LAPTM5: variants seen among roughly 807,000 people sequenced by gnomAD.
The protein encoded by LAPTM5 is lysosomal protein transmembrane 5.
In LAPTM5, 11 loss-of-function variants were observed where a neutral mutation model predicts 30.1. The observed-to-expected ratio is 0.37, with a 90% CI of 0.23 to 0.60. The LOEUF is 0.60. Ranked by LOEUF, LAPTM5 falls within the 20% of genes least tolerant of loss-of-function variation. LAPTM5 has a pLI of 0.71. For synonymous variants in LAPTM5, 151 were observed against 137.9 expected (o/e 1.10, Z -0.67); for missense variants, 324 against 332.5 (o/e 0.97, Z 0.20).
rs764594879 is a variant in LAPTM5, at chr1:30,735,258, A to G, written c.614T>C (p.Met205Thr). 8.1e-6 allele frequency: 13 copies of G among 1,613,790 alleles called. No individual in the cohort carries two copies. The highest frequency in any genetic ancestry group is 4.0e-5 in the African/African-American group (3 of 74,898). Residue 205 changes from methionine (M) to threonine (T), a missense_variant, in exon 7 of 8, where the codon ATG (methionine) becomes ACG (threonine). Transcript: ENST00000294507. The stretch of plus-strand genomic sequence containing the variant: ...GTAGCACCGCCACACGCACTTGAAC[A>G]TGTAGACCTGGAAAAAGGCCCAGGT... ...FITVLIFKVY[M>T]FKCVWRCYRL...
intron 1 of LAPTM5, among the ~76,000 whole-genome samples, chr1:30,753,631 C>A (rs1640169034): frequency 6.6e-6 from 1 of 152,068 alleles, no homozygotes; most frequent in African/African-American, 2.4e-5. Flanking sequence ...CAAGAAAAAT[C>A]TGAGAAACCA....
intron 1 of LAPTM5, among the ~76,000 whole-genome samples, chr1:30,747,556 C>G (rs1381251180): frequency 1.3e-5 from 2 of 152,168 alleles, no homozygotes; most frequent in African/African-American, 4.8e-5. Context: ...CTGCACGCAG[C>G]CTTTCTTTCT....
chr1:30,734,642 G>A (rs1180385043), intron 7 of LAPTM5, among the ~76,000 whole-genome samples: 1 of 152,250 alleles, frequency 6.6e-6, no homozygotes, highest in African/African-American at 2.4e-5. Flanking sequence ...CCTTACAGGT[G>A]AGGAAAGTAA....
chr1:30,742,393 C>T, intron 2 of LAPTM5, 63 bp downstream of exon 2: 1 of 1,190,452 alleles, frequency 8.4e-7, no homozygotes, highest in South Asian at 1.3e-5. Flanking sequence ...GCCTGGCTAT[C>T]CCTGGCCAGG....
chr1:30,737,273 G>A (rs1639898632), intron 6 of LAPTM5, among the ~76,000 whole-genome samples: 1 of 152,260 alleles, frequency 6.6e-6, no homozygotes, highest in Non-Finnish European at 1.5e-5. Context: ...GGCCCAGAGA[G>A]AAGTGACTTG....
rs1231274519 is a variant in LAPTM5, at chr1:30,733,671, C to T, written c.*157G>A. On this transcript the variant is annotated 3_prime_UTR_variant, in exon 8 of 8. Coordinates refer to ENST00000294507, the MANE Select transcript of LAPTM5 (RefSeq NM_006762.3). ...CCCAGTTGTGAGCAGCTCACAGGCC[C>T]TGCAGGAGGAGCAGGCCAGCGAGGG... 1 of 1,534,042 alleles carries T rather than the reference C, an allele frequency of 6.5e-7. No homozygotes were observed. Among genetic ancestry groups the T allele is most frequent in the Admixed American group, 2.0e-5 (1 of 50,938 alleles).
intron 1 of LAPTM5, among the ~76,000 whole-genome samples, chr1:30,743,832 T>A (rs961861864): frequency 7.9e-6 from 1 of 127,018 alleles, no homozygotes; most frequent in African/African-American, 3.0e-5. Context: ...CAGACACAGG[T>A]CTCAACTTGT....
At chr1:30,744,236 A>T (rs1487492514) in intron 1 of LAPTM5, among the ~76,000 whole-genome samples, 1 of 152,144 alleles carries the variant, frequency 6.6e-6, no homozygotes, top group African/African-American at 2.4e-5. Context: ...CACCCCAAAA[A>T]GAAGGCAGGT....
chr1:30,748,138 G>A (rs562828629), intron 1 of LAPTM5, among the ~76,000 whole-genome samples: 2 of 152,152 alleles, frequency 1.3e-5, no homozygotes, highest in South Asian at 2.1e-4. Context: ...AGATTTTCAG[G>A]GAGGTAAAGG....
intron 1 of LAPTM5, among the ~76,000 whole-genome samples, chr1:30,754,598 G>T (rs1458912996): frequency 6.6e-6 from 1 of 151,978 alleles, no homozygotes; most frequent in Admixed American, 6.6e-5. Flanking sequence ...ACTGAACTTT[G>T]AAAAAAAGAA....
chr1:30,749,081 A>G (rs1331197287), intron 1 of LAPTM5, among the ~76,000 whole-genome samples: 1 of 152,240 alleles, frequency 6.6e-6, no homozygotes, highest in Non-Finnish European at 1.5e-5. Context: ...AACAGCCCCA[A>G]GCTGGAATCA....
chr1:30,740,699 T>A (rs1639957890), intron 3 of LAPTM5, among the ~76,000 whole-genome samples: 1 of 151,996 alleles, frequency 6.6e-6, no homozygotes, highest in Non-Finnish European at 1.5e-5. Context: ...CCTGCTCCAT[T>A]TCTCCATTTC....
chr1:30,747,814 A>G (rs1309754360), intron 1 of LAPTM5, among the ~76,000 whole-genome samples: 1 of 152,110 alleles, frequency 6.6e-6, no homozygotes, highest in Non-Finnish European at 1.5e-5. Context: ...GTCACCTGGG[A>G]GGCACTGGCC....
At chr1:30,750,108 A>G (rs1195299168) in intron 1 of LAPTM5, among the ~76,000 whole-genome samples, 2 of 152,190 alleles carry the variant, frequency 1.3e-5, no homozygotes, top group Admixed American at 1.3e-4. Context: ...AAACAGTACC[A>G]GTGAATCCCA....
intron 1 of LAPTM5, among the ~76,000 whole-genome samples, chr1:30,744,657 A>G (rs1640018539): frequency 6.6e-6 from 1 of 152,104 alleles, no homozygotes; most frequent in South Asian, 2.1e-4. Flanking sequence ...CTTGTTTTAT[A>G]AACTCAGAGA....
Position 30,739,714 on chromosome 1 carries a change from C to T in LAPTM5, c.387+95G>A. On this transcript the variant is annotated intron_variant, in intron 4 of 7. Coordinates refer to ENST00000294507, the MANE Select transcript of LAPTM5 (RefSeq NM_006762.3). This position sits in a 1 kb window ranked among gnomAD's most constrained non-coding sequence, Gnocchi z 4.2. Reference sequence around the variant, plus strand: ...CCAGGAAGAGGGCTCCTACCCTCCCCAGCCTGAGCACAGGGCCCGTGTCTG... The same window carrying T: ...CCAGGAAGAGGGCTCCTACCCTCCCTAGCCTGAGCACAGGGCCCGTGTCTG... The T allele has an allele frequency of 7.1e-7, 1 of 1,413,336 alleles. No individual in the cohort carries two copies. The highest frequency in any genetic ancestry group is 2.6e-5 in the East Asian group (1 of 38,458). 87.5% of individuals were successfully genotyped at this position (1,413,336 alleles called of 1,614,324 possible).
intron 1 of LAPTM5, among the ~76,000 whole-genome samples, chr1:30,756,275 C>T (rs1023860814): frequency 4.6e-5 from 7 of 152,182 alleles, no homozygotes; most frequent in East Asian, 3.8e-4. Flanking sequence ...GGCAGGAGCT[C>T]GGAAGGACAA....
In LAPTM5 at chr1:30,739,024, C is replaced by T. The variant is rs1569856580; in HGVS notation, c.426G>A (p.Leu142=). The T allele has an allele frequency of 6.2e-7, 1 of 1,604,408 alleles. No homozygotes were observed. Among genetic ancestry groups the T allele is most frequent in the South Asian group, 1.1e-5 (1 of 89,132 alleles). ...GGGTCAGGATGCTCAGGCAGAAGTC[C>T]AGCAGCTGCAGCGTCATCAGGGGGA... ...SKFPLMTLQL[L]DFCLSILTLC... is the part of the protein sequence containing the mutation. Residue 142 remains leucine, a synonymous_variant, in exon 5 of 8, where the codon CTG becomes CTA. Transcript: ENST00000294507. The surrounding 1 kb of genome is among the most constrained non-coding windows in gnomAD (Gnocchi z 4.2).
intron 1 of LAPTM5, among the ~76,000 whole-genome samples, chr1:30,748,731 A>G (rs1482453185): frequency 6.6e-6 from 1 of 152,152 alleles, no homozygotes; most frequent in Admixed American, 6.5e-5. Flanking sequence ...AGCTCCCCAG[A>G]GCCTGGCTTC....
Sources: allele counts gnomAD v4.1 joint callset (sites outside exome capture counted in the v4.1 genomes callset), GRCh38; gene constraint gnomAD v4.1.1; non-coding constraint Gnocchi (gnomAD v3.1); transcripts MANE v1.5; gene names NCBI Gene and HGNC (gene_info 2026-07-23, HGNC 2026-07-21).